Variants in POMT2 observed in about 807,000 individuals in gnomAD.
POMT2 encodes protein O-mannosyltransferase 2.
Under a neutral mutation model 100.0 loss-of-function variants are expected in POMT2, and 75 were observed. The observed-to-expected ratio is 0.75, with a 90% confidence interval of 0.62 to 0.91. The LOEUF (loss-of-function observed/expected upper bound fraction) is 0.91. Among genes scored for constraint, POMT2 ranks in the 40% least tolerant of loss-of-function variants. The pLI, the probability that POMT2 is intolerant of heterozygous loss-of-function variation, is 0.00. For missense variants in POMT2, 940 were observed against 955.1 expected, an observed-to-expected ratio of 0.98 and a Z score of 0.21; for synonymous variants, 378 against 374.1, an observed-to-expected ratio of 1.01 and a Z score of -0.12.
intron 1 of POMT2, 125 bp from the exon 2 acceptor site, chr14:77,312,158 T>TA (rs199505225): frequency 1.2e-3 from 1,635 of 1,308,858 alleles, no homozygotes; most frequent in East Asian, 2.2e-3. Flanking sequence ...AGTCTGGATT[T>TA]AAAAAAAAAA....
chr14:77,302,986 A>AGG (rs746195211), intron 4 of POMT2, 43 bp from the exon 5 acceptor site: 5 of 1,483,228 alleles, frequency 3.4e-6, no homozygotes, highest in Non-Finnish European at 4.7e-6. Context: ...AGGTAAGAGA[A>AGG]GGGCCCCCTG....
chr14:77,302,756 GCCCT>G, intron 5 of POMT2, 75 bp downstream of exon 5: 1 of 1,201,590 alleles, frequency 8.3e-7, no homozygotes, highest in Non-Finnish European at 1.2e-6. Flanking sequence ...CTGGGCACCC[GCCCT>G]GGCCCTGGCC....
chr14:77,298,576 C>T, intron 8 of POMT2, 113 bp downstream of exon 8: 1 of 1,109,984 alleles, frequency 9.0e-7, no homozygotes, highest in Non-Finnish European at 1.3e-6. Context: ...GTCTTTCTCC[C>T]ACCGTGCCAT....
chr14:77,306,265 G>T (rs1057308793), intron 3 of POMT2, 72 bp downstream of exon 3: 60 of 1,596,152 alleles, frequency 3.8e-5, no homozygotes, highest in Non-Finnish European at 5.0e-5. Context: ...CGCCAGGGCT[G>T]CTAACTATAA....
chr14:77,320,386 T>A, intron 1 of POMT2, 48 bp downstream of exon 1: 2 of 1,542,512 alleles, frequency 1.3e-6, no homozygotes, highest in Non-Finnish European at 1.7e-6. Flanking sequence ...GAGGGCGGCG[T>A]CCCGTCGCGG....
chr14:77,297,370 C>G (rs1176085777), intron 8 of POMT2, among the ~76,000 whole-genome samples: 1 of 152,186 alleles, frequency 6.6e-6, no homozygotes, highest in African/African-American at 2.4e-5. Flanking sequence ...TATTCTTTTC[C>G]TCTTTCTACA....
chr14:77,283,328 G>T (rs1463187221), intron 15 of POMT2, among the ~76,000 whole-genome samples: 1 of 152,354 alleles, frequency 6.6e-6, no homozygotes, highest in Non-Finnish European at 1.5e-5. Flanking sequence ...CAGGGGCTCT[G>T]CCACTTGGGC....
At position 77,276,685 on chromosome 14, in the gene POMT2, G is replaced by GTC. The variant is rs1056200721; in HGVS notation, c.*689_*690dup. The GTC allele has an allele frequency of 6.5e-6, 1 of 152,868 alleles. No homozygotes were observed. The highest frequency in any genetic ancestry group is 1.5e-5 in the Non-Finnish European group (1 of 68,552). The allele number at this position is 152,868 out of a possible 1,614,324, so 9.5% of individuals were successfully genotyped here. On this transcript the variant is annotated 3_prime_UTR_variant, in exon 21 of 21. Transcript: ENST00000261534. ...GGCTAAGGCAGGCTGACGCTCCGGAGTCCGCTGCTCTCTGTGCGTCACAGG... is the reference window on the plus strand; with the variant it reads ...GGCTAAGGCAGGCTGACGCTCCGGAGTCTCCGCTGCTCTCTGTGCGTCACAGG...
intron 18 of POMT2, chr14:77,279,188 CACACAGATCTTTGCAGCGGCAG>C: frequency 2.2e-6 from 1 of 449,120 alleles, no homozygotes; most frequent in African/African-American, 2.0e-5. Context: ...TCTTTGCTGC[CACACAGATCTTTGCAGCGGCAG>C]ACAGGCGCTA....
chr14:77,308,834 T>G (rs1891333382), intron 2 of POMT2: 1 of 441,656 alleles, frequency 2.3e-6, no homozygotes, highest in East Asian at 7.0e-5. Flanking sequence ...CTGCTGGGAA[T>G]TTTTCATATA....
At chr14:77,286,939 C>G in intron 11 of POMT2, 117 bp from the exon 12 acceptor site, 1 of 1,545,844 alleles carries the variant, frequency 6.5e-7, no homozygotes, top group African/African-American at 1.4e-5. Flanking sequence ...AGAATCTGAA[C>G]TATTAAATCC....
At chr14:77,302,488 C>G (rs1891076783) in intron 5 of POMT2, among the ~76,000 whole-genome samples, 1 of 152,158 alleles carries the variant, frequency 6.6e-6, no homozygotes, top group Non-Finnish European at 1.5e-5. Context: ...GCACTGGTTA[C>G]AAGAGGTGGG....
In POMT2 at chr14:77,295,921, A is replaced by C. The variant is rs11627257; in HGVS notation, c.1116+243T>G. The stretch of plus-strand genomic sequence containing the variant: ...ACGTAGGCATGTGGAAGGTGCCACC[A>C]AGCCTCTCATCAGAGGGGCACCCCA... On this transcript the variant is annotated intron_variant, in intron 9 of 20. Transcript: ENST00000261534. Among the ~76,000 whole-genome samples the C allele has an allele frequency of 0.24, 36,922 of 151,952 alleles. 5,547 individuals are homozygous for C. The highest frequency in any genetic ancestry group is 0.43 in the East Asian group (2,191 of 5,114).
At chr14:77,317,104 C>T (rs1226264845) in intron 1 of POMT2, among the ~76,000 whole-genome samples, 3 of 152,144 alleles carry the variant, frequency 2.0e-5, no homozygotes, top group East Asian at 3.9e-4. Context: ...CTAGGCACAA[C>T]GTAAGGGACT....
At chr14:77,288,534 A>G (rs1367664265) in intron 11 of POMT2, among the ~76,000 whole-genome samples, 1 of 152,144 alleles carries the variant, frequency 6.6e-6, no homozygotes, top group East Asian at 1.9e-4. Flanking sequence ...AGCTTTCAGC[A>G]ACTCAAATTT....
At chr14:77,283,187 C>T (rs576346850) in intron 15 of POMT2, among the ~76,000 whole-genome samples, 13 of 152,340 alleles carry the variant, frequency 8.5e-5, no homozygotes, top group African/African-American at 2.9e-4. Flanking sequence ...TGAGTGGGCT[C>T]GTGGCTGGGA....
chr14:77,283,186 T>A (rs1890291814), intron 15 of POMT2, among the ~76,000 whole-genome samples: 1 of 152,270 alleles, frequency 6.6e-6, no homozygotes, highest in Admixed American at 6.5e-5. Flanking sequence ...ATGAGTGGGC[T>A]CGTGGCTGGG....
chr14:77,291,844 C>CAA (rs1890652409), intron 9 of POMT2, among the ~76,000 whole-genome samples: 1 of 152,102 alleles, frequency 6.6e-6, no homozygotes, highest in Non-Finnish European at 1.5e-5. Context: ...ATCAGCCTGG[C>CAA]CAACACGGTG....
chr14:77,284,121 T>A (rs1247351718), intron 14 of POMT2: 7 of 516,412 alleles, frequency 1.4e-5, no homozygotes, highest in Non-Finnish European at 2.5e-5. Flanking sequence ...CTCCAACAGC[T>A]CCCAGCACCA....
Sources: gnomAD v4.1 joint callset for allele counts (sites outside exome capture counted in the v4.1 genomes callset) on GRCh38, gnomAD v4.1.1 for gene constraint, MANE v1.5 for transcripts, NCBI Gene and HGNC (gene_info 2026-07-23, HGNC 2026-07-21) for gene names.